The following SHOX variants were observed in gnomAD, a reference collection of about 807,000 sequenced individuals.
The protein encoded by SHOX is short stature homeobox protein.
Under a neutral mutation model 29.6 loss-of-function variants are expected in SHOX, and 12 were observed. The observed-to-expected ratio is 0.41, with a 90% CI of 0.26 to 0.66. The LOEUF is 0.66. Among genes scored for constraint, SHOX ranks in the 30% least tolerant of loss-of-function variants. SHOX has a pLI of 0.35. For missense variants in SHOX, 499 were observed against 437.7 expected (o/e 1.14, Z -1.25); for synonymous variants, 214 against 200.6 (o/e 1.07, Z -0.57).
At position 634,606 on chromosome X, in the gene SHOX, C is replaced by T. The variant is rs970346308; in HGVS notation, c.278-12C>T. The T allele has an allele frequency of 6.2e-7, 1 of 1,612,968 alleles. No individual in the cohort carries two copies. The highest frequency in any genetic ancestry group is 1.3e-5 in the African/African-American group (1 of 75,032). ...CCCGGCCTCAGCCCTGTGCCCTCCGCTCCCCACGCAGGGATTTATGAATGC... is the reference window on the plus strand; with the variant it reads ...CCCGGCCTCAGCCCTGTGCCCTCCGTTCCCCACGCAGGGATTTATGAATGC... On this transcript the variant is annotated splice_polypyrimidine_tract_variant and intron_variant, in intron 1 of 4. Transcript: ENST00000686671.
At chrX:627,001 CTCTG>C (rs2124140279), upstream of SHOX, among the ~76,000 whole-genome samples, 1 of 151,844 alleles carries the variant, frequency 6.6e-6, no homozygotes, top group Admixed American at 6.6e-5. Flanking sequence ...TCTCCTCTCT[CTCTG>C]TCTCTTTTTC....
At chrX:635,750 G>A (rs1331657905) in intron 2 of SHOX, among the ~76,000 whole-genome samples, 3 of 152,264 alleles carry the variant, frequency 2.0e-5, no homozygotes, top group Admixed American at 1.3e-4. Context: ...TGCTGGGAGA[G>A]CCTCCAAATG....
At chrX:639,104 G>C (rs73607270) in intron 2 of SHOX, among the ~76,000 whole-genome samples, 3 of 152,170 alleles carry the variant, frequency 2.0e-5, no homozygotes, top group Non-Finnish European at 2.9e-5. Context: ...GAGGAGGCTC[G>C]TAGGAGGTGA....
rs1355609118 is a variant in SHOX, at chrX:650,251, C to G, written c.*5615C>G. On this transcript the variant is annotated 3_prime_UTR_variant, in exon 5 of 5. Transcript: ENST00000686671. ...TTTTCCACTTACAAAGCTGGTGGTGCGACGGGCTTGGTGTCTCCCGTACGG... is the reference window on the plus strand; with the variant it reads ...TTTTCCACTTACAAAGCTGGTGGTGGGACGGGCTTGGTGTCTCCCGTACGG... Among the ~76,000 whole-genome samples the G allele has an allele frequency of 6.6e-6, 1 of 152,190 alleles. No individual in the cohort carries two copies. Among genetic ancestry groups the G allele is most frequent in the Non-Finnish European group, 1.5e-5 (1 of 68,040 alleles).
rs1235535489 is a variant in SHOX at position 645,247 on chromosome X, C to T, written c.*611C>T. 1 of 152,124 alleles carries T rather than the reference C, an allele frequency of 6.6e-6. No individual in the cohort carries two copies. The highest frequency in any genetic ancestry group is 2.4e-5 in the African/African-American group (1 of 41,414). 9.4% of individuals were successfully genotyped at this position (152,124 alleles called of 1,614,324 possible). A position where few individuals can be genotyped will look rare whatever the true frequency, so the allele number is the denominator to read the frequency against. On this transcript the variant is annotated 3_prime_UTR_variant, in exon 5 of 5. Coordinates refer to ENST00000686671, the MANE Select transcript of SHOX (RefSeq NM_000451.4). The stretch of plus-strand genomic sequence containing the variant: ...TCTGGCTGAGGCTGAGGACGTGAAC[C>T]GCGGGCTTTGGAAAGGGAGGGGAGG...
At chrX:655,527 A>C (rs1328818956), downstream of SHOX, among the ~76,000 whole-genome samples, 1 of 148,118 alleles carries the variant, frequency 6.8e-6, no homozygotes, top group Non-Finnish European at 1.5e-5. Flanking sequence ...GCTTGAGCCC[A>C]GGAGTTCGAG....
upstream of SHOX, chrX:630,654 G>C (rs1339415051): frequency 6.6e-6 from 4 of 601,568 alleles, no homozygotes; most frequent in Non-Finnish European, 1.2e-5. Context: ...TTGCCGGCCT[G>C]GGGGGTGGGG....
chrX:652,719 T>C (rs1278330048), downstream of SHOX, among the ~76,000 whole-genome samples: 3 of 152,198 alleles, frequency 2.0e-5, no homozygotes, highest in African/African-American at 7.2e-5. Context: ...TTCTGCAAAG[T>C]GCAACTTGAC....
chrX:625,049 CTGT>C (rs1168656069), intron 1 of SHOX, among the ~76,000 whole-genome samples: 23 of 70,862 alleles, frequency 3.2e-4, no homozygotes, highest in Admixed American at 1.9e-3. Flanking sequence ...TTTCCTCCCT[CTGT>C]TCCTTCCTCC....
intron 1 of SHOX, among the ~76,000 whole-genome samples, chrX:624,897 TC>T (rs2052484329): frequency 1.4e-5 from 1 of 71,066 alleles, no homozygotes. Context: ...TTTCTTTCTT[TC>T]TTTCTCTCTT....
At chrX:625,728 C>CTCT (rs2052517750) in intron 1 of SHOX, among the ~76,000 whole-genome samples, 1 of 92,378 alleles carries the variant, frequency 1.1e-5, no homozygotes, top group Non-Finnish European at 2.3e-5. Context: ...TCTCTCTCTC[C>CTCT]TCTCTCTCTG....
intron 1 of SHOX, 113 bp downstream of exon 1, chrX:631,287 G>T: frequency 2.2e-6 from 3 of 1,348,632 alleles, no homozygotes; most frequent in East Asian, 4.6e-5. Flanking sequence ...CTCCCGTCTC[G>T]CCAGGGTAAG....
chrX:634,510 G>A, intron 1 of SHOX, 108 bp from the exon 2 acceptor site: 4 of 1,204,680 alleles, frequency 3.3e-6, no homozygotes, highest in South Asian at 2.6e-5. Flanking sequence ...GCGTCAAAGC[G>A]CATTGGTTTT....
At chrX:624,903 TC>T (rs1316370591) in intron 1 of SHOX, among the ~76,000 whole-genome samples, 3,854 of 58,676 alleles carry the variant, frequency 0.066, 117 homozygotes, top group Middle Eastern at 0.28. Context: ...TCTTTCTTTC[TC>T]TCTTCCTTTC....
rs1266302878 is a variant in SHOX, at chrX:644,528, C to T, written c.771C>T (p.Ala257=). 6 of 1,518,694 alleles carry T rather than the reference C, an allele frequency of 4.0e-6. No homozygotes were observed. The highest frequency in any genetic ancestry group is 3.6e-5 in the South Asian group (3 of 82,214). The allele number at this position is 1,518,694 out of a possible 1,614,324, so 94.1% of individuals were successfully genotyped here. ...GLPIASLAES[A]SAAAVVAAAA... is the part of the protein sequence containing the mutation. ...CCATCGCGTCGCTGGCCGAGTCCGC[C>T]TCGGCCGCCGCCGTGGTCGCCGCCG... The change falls in exon 5 of 5, where the codon GCC becomes GCT. Residue 257 remains alanine, a synonymous_variant. Coordinates refer to ENST00000686671, the MANE Select transcript of SHOX (RefSeq NM_000451.4).
At chrX:634,548 C>T in intron 1 of SHOX, 70 bp from the exon 2 acceptor site, 3 of 1,535,984 alleles carry the variant, frequency 2.0e-6, no homozygotes, top group Non-Finnish European at 2.7e-6. Flanking sequence ...CCGCGGGATG[C>T]ACGAAGGGGT....
chrX:652,069 C>T (rs2053074629), downstream of SHOX, among the ~76,000 whole-genome samples: 1 of 152,044 alleles, frequency 6.6e-6, no homozygotes, highest in South Asian at 2.1e-4. Flanking sequence ...ATGACAGTCA[C>T]CTGCACCACC....
chrX:657,695 G>C (rs916326644), intron 5 of SHOX, among the ~76,000 whole-genome samples: 1 of 152,098 alleles, frequency 6.6e-6, no homozygotes, highest in Non-Finnish European at 1.5e-5. Context: ...ACCGTAACCC[G>C]TCTGAAAAGA....
intron 1 of SHOX, among the ~76,000 whole-genome samples, chrX:631,425 G>C (rs1207904706): frequency 6.6e-6 from 1 of 152,228 alleles, no homozygotes; most frequent in Non-Finnish European, 1.5e-5. Flanking sequence ...GCGCGCGTGG[G>C]CACCGACACG....
Sources: gnomAD v4.1 joint callset for allele counts (sites outside exome capture counted in the v4.1 genomes callset) on GRCh38, gnomAD v4.1.1 for gene constraint, MANE v1.5 for transcripts, NCBI Gene and HGNC (gene_info 2026-07-23, HGNC 2026-07-21) for gene names.